The following DENND5B variants were observed in gnomAD, a reference collection of about 807,000 sequenced individuals.
The protein encoded by DENND5B is DENN domain containing 5B, also known as DENN domain-containing protein 5B.
In DENND5B, 34 loss-of-function variants were observed where a neutral mutation model predicts 140.6. That is an observed-to-expected ratio of 0.24 (90% CI 0.18 to 0.32). DENND5B has a LOEUF of 0.32. Ranked by LOEUF, DENND5B falls within the 10% of genes least tolerant of loss-of-function variation. The pLI, the probability that DENND5B is intolerant of heterozygous loss-of-function variation, is 1.00. For synonymous variants in DENND5B, 551 were observed against 562.1 expected, an observed-to-expected ratio of 0.98 and a Z score of 0.28; for missense variants, 1,142 against 1,560.2, an observed-to-expected ratio of 0.73 and a Z score of 4.52.
intron 9 of DENND5B, among the ~76,000 whole-genome samples, chr12:31,425,341 G>A (rs1038980854): frequency 2.2e-4 from 33 of 152,148 alleles, no homozygotes; most frequent in African/African-American, 7.5e-4. Context: ...AATAAAAAAA[G>A]AAAATGTACT....
intron 2 of DENND5B, among the ~76,000 whole-genome samples, chr12:31,491,660 T>A (rs1286954231): frequency 6.6e-6 from 1 of 152,204 alleles, no homozygotes; most frequent in Admixed American, 6.5e-5. Context: ...TTTATTGTAT[T>A]GTTCTTTCTG....
chr12:31,502,573 C>A (rs1363322908), intron 1 of DENND5B, among the ~76,000 whole-genome samples: 1 of 152,128 alleles, frequency 6.6e-6, no homozygotes, highest in Non-Finnish European at 1.5e-5. Context: ...ACTCAGATGT[C>A]TAAAACTCAG....
intron 7 of DENND5B, among the ~76,000 whole-genome samples, chr12:31,436,830 C>T (rs914793094): frequency 3.9e-5 from 6 of 152,008 alleles, no homozygotes; most frequent in Non-Finnish European, 5.9e-5. Flanking sequence ...TCACTGCGCC[C>T]GACCCAGCTC....
intron 1 of DENND5B, among the ~76,000 whole-genome samples, chr12:31,556,441 A>T (rs780497284): frequency 1.3e-5 from 2 of 152,106 alleles, no homozygotes; most frequent in African/African-American, 2.4e-5. Flanking sequence ...ACCTCAGCTG[A>T]TTCACTTGCC....
intron 16 of DENND5B, 109 bp from the exon 17 acceptor site, chr12:31,398,471 A>C: frequency 2.7e-6 from 3 of 1,103,854 alleles, no homozygotes; most frequent in Non-Finnish European, 2.5e-6. Context: ...CACCTGGCTA[A>C]TTTTTGTGTT....
chr12:31,402,218 TA>T (rs1246680633), intron 15 of DENND5B, among the ~76,000 whole-genome samples: 3 of 151,604 alleles, frequency 2.0e-5, no homozygotes, highest in African/African-American at 7.3e-5. Context: ...TCCTGCTTGC[TA>T]GAATCTGTGC....
intron 13 of DENND5B, among the ~76,000 whole-genome samples, chr12:31,411,631 C>T (rs1469878016): frequency 3.9e-5 from 6 of 152,066 alleles, no homozygotes; most frequent in Non-Finnish European, 8.8e-5. Flanking sequence ...GTGTGAGCCA[C>T]TGCGCCCAGC....
intron 1 of DENND5B, among the ~76,000 whole-genome samples, chr12:31,530,088 T>C (rs1244597899): frequency 1.3e-5 from 2 of 152,142 alleles, no homozygotes; most frequent in Admixed American, 6.5e-5. Flanking sequence ...AAAAAATACA[T>C]GCAGCCGGGC....
chr12:31,569,893 T>TC (rs1231578916), intron 1 of DENND5B, among the ~76,000 whole-genome samples: 1 of 151,228 alleles, frequency 6.6e-6, no homozygotes, highest in Non-Finnish European at 1.5e-5. Context: ...TTCAACTCAT[T>TC]CTAAAAAATT....
intron 3 of DENND5B, among the ~76,000 whole-genome samples, chr12:31,469,346 A>AAAAAGAAG (rs769930524): frequency 5.4e-5 from 7 of 130,224 alleles, no homozygotes; most frequent in African/African-American, 1.9e-4. Context: ...AAAAAAAAAA[A>AAAAAGAAG]AAGAAGAAGA....
intron 1 of DENND5B, among the ~76,000 whole-genome samples, chr12:31,529,420 G>C (rs1293795416): frequency 6.6e-6 from 1 of 152,142 alleles, no homozygotes; most frequent in Non-Finnish European, 1.5e-5. Context: ...AATGTATGCA[G>C]CTAATCAAAT....
At chr12:31,480,305 C>T (rs1022530345) in intron 2 of DENND5B, 50 bp from the exon 3 acceptor site, 2 of 1,393,628 alleles carry the variant, frequency 1.4e-6, no homozygotes, top group African/African-American at 3.1e-5. Context: ...CAAATAACTT[C>T]AAGCCAGAAA....
At chr12:31,550,045 CT>C (rs1008687707) in intron 1 of DENND5B, among the ~76,000 whole-genome samples, 1 of 150,560 alleles carries the variant, frequency 6.6e-6, no homozygotes, top group Non-Finnish European at 1.5e-5. Flanking sequence ...AAAGGCCATT[CT>C]TTTTTTCTTT....
intron 1 of DENND5B, among the ~76,000 whole-genome samples, chr12:31,552,935 C>A (rs918978847): frequency 2.0e-5 from 3 of 151,860 alleles, no homozygotes; most frequent in African/African-American, 7.3e-5. Context: ...TTTTTTATTG[C>A]GCCTATTTGA....
At position 31,419,976 on chromosome 12, in the gene DENND5B, A is replaced by G. The variant is rs576782567; in HGVS notation, c.2470+3621T>C. On this transcript the variant is annotated intron_variant, in intron 11 of 20. Transcript: ENST00000389082. The stretch of plus-strand genomic sequence containing the variant: ...CAACAAGAGCGAAACTCCATCTCAG[A>G]AAAAAAAAAAAAAAAAAAAGGAAAA... 6.8e-5 allele frequency: 28 copies of G among 409,188 alleles called. No homozygotes were observed. The African/African-American group carries it at 1.2e-3, about 18-fold the overall frequency. The allele number at this position is 409,188 out of a possible 1,614,324, so 25.3% of individuals were successfully genotyped here. A position where few individuals can be genotyped will look rare whatever the true frequency, so the allele number is the denominator to read the frequency against.
chr12:31,549,030 G>A (rs940809672), intron 1 of DENND5B, among the ~76,000 whole-genome samples: 12 of 152,040 alleles, frequency 7.9e-5, no homozygotes, highest in Non-Finnish European at 1.5e-4. Context: ...TGGGTAGCTC[G>A]GGGTACAGGC....
intron 1 of DENND5B, among the ~76,000 whole-genome samples, chr12:31,540,735 C>A (rs1948658636): frequency 6.6e-6 from 1 of 150,706 alleles, no homozygotes; most frequent in Admixed American, 6.6e-5. Flanking sequence ...ACAAAAGACC[C>A]AGAATAGCCA....
Position 31,383,044 on chromosome 12 carries a change from A to G in DENND5B, c.*4559T>C, listed in dbSNP as rs1049402746. ...ACTTGGAAATAGGATTCACTTTATA[A>G]AAGTAGAGAAGGGCTCAAGACTCTC... On this transcript the variant is annotated 3_prime_UTR_variant, in exon 21 of 21. Transcript: ENST00000389082. 2 of 152,170 alleles carry G rather than the reference A, an allele frequency of 1.3e-5. No individual in the cohort carries two copies. Among genetic ancestry groups the G allele is most frequent in the African/African-American group, 2.4e-5 (1 of 41,460 alleles). The allele number at this position is 152,170 out of a possible 1,614,324, so 9.4% of individuals were successfully genotyped here.
At chr12:31,590,673 G>A (rs1303908992) in intron 1 of DENND5B, 33 bp downstream of exon 1, 7 of 1,443,862 alleles carry the variant, frequency 4.8e-6, no homozygotes, top group East Asian at 6.1e-5. Flanking sequence ...GCGCCCCTGA[G>A]GGGGCTCAGC....
Sources: gnomAD v4.1 joint callset for allele counts (sites outside exome capture counted in the v4.1 genomes callset) on GRCh38, gnomAD v4.1.1 for gene constraint, MANE v1.5 for transcripts, NCBI Gene and HGNC (gene_info 2026-07-23, HGNC 2026-07-21) for gene names.